THADA: variants seen among roughly 807,000 people sequenced by gnomAD.
THADA encodes THADA armadillo repeat containing.
In THADA, 213 loss-of-function variants were observed where a neutral mutation model predicts 219.8. The observed-to-expected ratio is 0.97, with a 90% CI of 0.87 to 1.09. The LOEUF (loss-of-function observed/expected upper bound fraction) is 1.09, where lower values mean the gene tolerates loss of function less well. THADA is among the 50% of genes least tolerant of loss of function. The probability of loss-of-function intolerance (pLI) is 0.00; values close to 1 mark genes in which losing one functional copy is unlikely to be tolerated. For synonymous variants in THADA, 1,018 were observed against 828.9 expected (o/e 1.23, Z -3.92); for missense variants, 2,956 against 2,311.3 (o/e 1.28, Z -5.72).
chr2:43,320,269 A>G (rs2104461502), intron 31 of THADA, among the ~76,000 whole-genome samples, 177 bp downstream of exon 31: 1 of 152,348 alleles, frequency 6.6e-6, no homozygotes, highest in South Asian at 2.1e-4. Flanking sequence ...AATAAACAAG[A>G]ACAAGTTTCC....
chr2:43,477,173 T>C (rs6714691), intron 26 of THADA, among the ~76,000 whole-genome samples: 152,166 of 152,234 alleles, frequency 1, 76,049 homozygotes, highest in Middle Eastern at 1. Flanking sequence ...TTTCACCTGC[T>C]TTAATCAGTA....
At chr2:43,282,762 C>G (rs886550952) in intron 35 of THADA, among the ~76,000 whole-genome samples, 5 of 152,144 alleles carry the variant, frequency 3.3e-5, no homozygotes, top group Admixed American at 6.5e-5. Context: ...AAGAACTATG[C>G]TTTTCAATTC....
chr2:43,329,336 A>T (rs1679696793), intron 30 of THADA, among the ~76,000 whole-genome samples: 1 of 152,204 alleles, frequency 6.6e-6, no homozygotes, highest in Non-Finnish European at 1.5e-5. Flanking sequence ...CCCTAAAAGC[A>T]TAAAAAAGGA....
At chr2:43,398,449 A>G (rs1674374421) in intron 28 of THADA, among the ~76,000 whole-genome samples, 1 of 152,252 alleles carries the variant, frequency 6.6e-6, no homozygotes, top group African/African-American at 2.4e-5. Context: ...GGTATTTATG[A>G]TAAGCAAAAG....
At chr2:43,414,787 T>C (rs145060053) in intron 28 of THADA, among the ~76,000 whole-genome samples, 1 of 152,318 alleles carries the variant, frequency 6.6e-6, no homozygotes, top group East Asian at 1.9e-4. Flanking sequence ...CAGCAGGGTC[T>C]TTTATCTGGA....
At chr2:43,521,744 A>G (rs967528988) in intron 22 of THADA, among the ~76,000 whole-genome samples, 2 of 152,220 alleles carry the variant, frequency 1.3e-5, no homozygotes, top group African/African-American at 4.8e-5. Flanking sequence ...CTATCCACAG[A>G]GCTATCTCAC....
intron 16 of THADA, among the ~76,000 whole-genome samples, chr2:43,559,532 C>G (rs1697805039): frequency 6.6e-6 from 1 of 152,184 alleles, no homozygotes; most frequent in Non-Finnish European, 1.5e-5. Flanking sequence ...GCTCCAGAAC[C>G]AGTACTCTGC....
At chr2:43,248,152 TATATATATATATAGAG>T (rs1239712376) in intron 36 of THADA, among the ~76,000 whole-genome samples, 15 of 89,414 alleles carry the variant, frequency 1.7e-4, no homozygotes, top group South Asian at 7.7e-4. Context: ...TATATATATA[TATATATATATATAGAG>T]AGAGAGAGAG....
At position 43,581,920 on chromosome 2, in the gene THADA, G is replaced by C. The variant is rs1700505007; in HGVS notation, c.542C>G (p.Ala181Gly). ...CTGTGTTTGAATAATATGATTTCCA[G>C]CACATTTTCTATAAAGAAGAAAAGA... ...IEILEENRKC[A>G]GNHIIQTQLM... Residue 181 changes from alanine to glycine, a missense_variant, in exon 8 of 38, where the codon GCT (alanine) becomes GGT (glycine). Physicochemically the swap from Ala to Gly is moderately conservative, Grantham distance 60 (BLOSUM62 0). Transcript: ENST00000405975. The C allele has an allele frequency of 6.6e-7, 1 of 1,524,304 alleles. No homozygotes were observed. Among genetic ancestry groups the C allele is most frequent in the Non-Finnish European group, 8.8e-7 (1 of 1,142,310 alleles). 94.4% of individuals were successfully genotyped at this position (1,524,304 alleles called of 1,614,324 possible).
At chr2:43,414,783 G>C (rs1338587845) in intron 28 of THADA, among the ~76,000 whole-genome samples, 1 of 152,118 alleles carries the variant, frequency 6.6e-6, no homozygotes, top group Non-Finnish European at 1.5e-5. Context: ...TTATCAGCAG[G>C]GTCTTTTATC....
chr2:43,437,265 A>G (rs924789080), intron 26 of THADA, among the ~76,000 whole-genome samples: 6 of 152,238 alleles, frequency 3.9e-5, no homozygotes, highest in African/African-American at 1.4e-4. Context: ...AGGTTAAGAT[A>G]AGATAAGATA....
At chr2:43,484,482 G>C (rs1320561672) in intron 26 of THADA, 2 of 169,148 alleles carry the variant, frequency 1.2e-5, no homozygotes, top group African/African-American at 4.8e-5. Context: ...GTAATTAAAT[G>C]TGCAGCAACA....
At position 43,514,673 on chromosome 2, in the gene THADA, A is replaced by AAT. The variant is rs1553470451; in HGVS notation, c.3375-5895_3375-5894dup. 5.9e-4 allele frequency among the ~76,000 whole-genome samples: 46 copies of AAT among 78,360 alleles called. 1 individual carries two copies. The highest frequency in any genetic ancestry group is 1.4e-3 in the South Asian group (4 of 2,816). The allele number at this position is 78,360 out of a possible 152,430, so 51.4% of individuals were successfully genotyped here. A position where few individuals can be genotyped will look rare whatever the true frequency, so the allele number is the denominator to read the frequency against. On this transcript the variant is annotated intron_variant, in intron 22 of 37. Transcript: ENST00000405975. ...ATATATATTGTATATAATAATATAT[A>AAT]ATATATTATATTATATATAATATAT... is the stretch of plus-strand genomic sequence containing the variant.
intron 36 of THADA, among the ~76,000 whole-genome samples, chr2:43,265,554 C>A (rs187245929): frequency 1.2e-3 from 177 of 152,224 alleles, no homozygotes; most frequent in African/African-American, 4.0e-3. Flanking sequence ...CTCCTGTATC[C>A]CCCACGGAGT....
chr2:43,334,471 T>C (rs1474067607), intron 30 of THADA, among the ~76,000 whole-genome samples: 1 of 152,154 alleles, frequency 6.6e-6, no homozygotes, highest in African/African-American at 2.4e-5. Flanking sequence ...CAGCACTGTT[T>C]TATGCAAAAA....
chr2:43,419,181 C>T (rs1327681301), intron 28 of THADA, among the ~76,000 whole-genome samples: 1 of 152,086 alleles, frequency 6.6e-6, no homozygotes, highest in Non-Finnish European at 1.5e-5. Flanking sequence ...AAAGTAGGCC[C>T]TCAGTAAATA....
At chr2:43,500,144 C>A (rs766730639) in intron 24 of THADA, among the ~76,000 whole-genome samples, 5 of 151,628 alleles carry the variant, frequency 3.3e-5, no homozygotes, top group African/African-American at 4.8e-5. Flanking sequence ...AACAAGATCC[C>A]GTCTCTAAAA....
chr2:43,339,124 G>A (rs1241823638), intron 30 of THADA, among the ~76,000 whole-genome samples: 1 of 152,028 alleles, frequency 6.6e-6, no homozygotes, highest in East Asian at 1.9e-4. Context: ...TATGGATTGT[G>A]GTAAGAATAG....
At chr2:43,353,342 C>G (rs369561342) in intron 29 of THADA, among the ~76,000 whole-genome samples, 1 of 145,594 alleles carries the variant, frequency 6.9e-6, no homozygotes, top group South Asian at 2.3e-4. Context: ...CAACGCTTAT[C>G]TCTTGTTTTT....
Sources: gnomAD v4.1 joint callset for allele counts (sites outside exome capture counted in the v4.1 genomes callset) on GRCh38, gnomAD v4.1.1 for gene constraint, MANE v1.5 for transcripts, NCBI Gene and HGNC (gene_info 2026-07-23, HGNC 2026-07-21) for gene names.